The following SNX6 variants were observed in gnomAD, a reference collection of about 807,000 sequenced individuals.
SNX6 encodes sorting nexin-6.
Under a neutral mutation model 63.0 loss-of-function variants are expected in SNX6, and 34 were observed. The ratio of observed to expected loss-of-function variants is 0.54; its 90% CI spans 0.41 to 0.72. SNX6 has a LOEUF of 0.72. Ranked by LOEUF, SNX6 falls within the 30% of genes least tolerant of loss-of-function variation. The pLI, the probability that SNX6 is intolerant of heterozygous loss-of-function variation, is 0.00. For missense variants in SNX6, 398 were observed against 471.4 expected (o/e 0.84, Z 1.44); for synonymous variants, 170 against 164.2 (o/e 1.04, Z -0.27).
Position 34,564,927 on chromosome 14 carries a change from T to G in SNX6, c.1168-1752A>C, listed in dbSNP as rs1197558077. Among the ~76,000 whole-genome samples, 3 of 151,970 alleles carry G rather than the reference T, an allele frequency of 2.0e-5. No individual in the cohort carries two copies. The East Asian group carries it at 5.8e-4, about 29-fold the overall frequency. On this transcript the variant is annotated intron_variant, in intron 13 of 13. Transcript: ENST00000362031. ...TTTGTGTAAAAGGCTAAATAATAAGTATTTTAGGCTGTTTCAACAACTCCA... is the reference window on the plus strand; with the variant it reads ...TTTGTGTAAAAGGCTAAATAATAAGGATTTTAGGCTGTTTCAACAACTCCA...
intron 7 of SNX6, among the ~76,000 whole-genome samples, chr14:34,594,308 CTTTT>C (rs34181149): frequency 2.1e-5 from 3 of 146,054 alleles, no homozygotes; most frequent in Non-Finnish European, 1.5e-5. Context: ...TGTCTTCAAC[CTTTT>C]TTTTTTTTTT....
At chr14:34,576,407 T>G (rs1881703372) in intron 10 of SNX6, among the ~76,000 whole-genome samples, 1 of 150,448 alleles carries the variant, frequency 6.6e-6, no homozygotes, top group Non-Finnish European at 1.5e-5. Flanking sequence ...AAAGATCAAA[T>G]GAGACTCGTG....
At chr14:34,603,252 C>G in intron 6 of SNX6, 96 bp downstream of exon 6, 1 of 1,251,092 alleles carries the variant, frequency 8.0e-7, no homozygotes, top group South Asian at 1.7e-5. Flanking sequence ...TGCCACTGTA[C>G]TCCAGCCTGG....
rs932611561 is a variant in SNX6, at chr14:34,629,670, C to G, written c.54+237G>C. 11 of 720,158 alleles carry G rather than the reference C, an allele frequency of 1.5e-5. No individual in the cohort carries two copies. In the Admixed American group the frequency reaches 2.1e-4, roughly 13 times the overall value. 44.6% of individuals were successfully genotyped at this position (720,158 alleles called of 1,614,324 possible). ...GTGGGAGTGGAGGTCCACCAGAAGG[C>G]CCGAACAGCGGCGGGGGACAAGAAA... is the stretch of plus-strand genomic sequence containing the variant. On this transcript the variant is annotated intron_variant, in intron 2 of 13. Transcript: ENST00000362031.
At chr14:34,566,471 C>T (rs1197493797) in intron 13 of SNX6, among the ~76,000 whole-genome samples, 1 of 152,174 alleles carries the variant, frequency 6.6e-6, no homozygotes, top group African/African-American at 2.4e-5. Flanking sequence ...GTCTTGGCCT[C>T]CCAAAGTGTT....
intron 2 of SNX6, among the ~76,000 whole-genome samples, chr14:34,625,752 A>AT: frequency 6.6e-6 from 1 of 152,236 alleles, no homozygotes; most frequent in Non-Finnish European, 1.5e-5. Flanking sequence ...TTAAAAAAAA[A>AT]ATGCAGTTAT....
chr14:34,587,023 AAAAAAAAAAAC>A (rs1001604813), intron 8 of SNX6, among the ~76,000 whole-genome samples: 3 of 149,848 alleles, frequency 2.0e-5, no homozygotes, highest in African/African-American at 5.0e-5. Flanking sequence ...AAAAAAAAAA[AAAAAAAAAAAC>A]AACTGGAAAA....
At chr14:34,570,874 C>A (rs1332939376) in intron 11 of SNX6, among the ~76,000 whole-genome samples, 1 of 151,488 alleles carries the variant, frequency 6.6e-6, no homozygotes, top group South Asian at 2.1e-4. Flanking sequence ...CAGGCGCCCA[C>A]CACCACGCCC....
chr14:34,583,908 C>T (rs1352671077), intron 9 of SNX6, among the ~76,000 whole-genome samples: 1 of 147,160 alleles, frequency 6.8e-6, no homozygotes, highest in East Asian at 2.1e-4. Context: ...AGTACAATGG[C>T]GCAATCTCGG....
At chr14:34,578,628 C>CA (rs146062484) in intron 10 of SNX6, among the ~76,000 whole-genome samples, 104,181 of 128,856 alleles carry the variant, frequency 0.81, 42,080 homozygotes, top group Non-Finnish European at 0.85. Flanking sequence ...AGATCTGTCT[C>CA]AAAAAGAAAA....
chr14:34,570,718 G>T (rs1311036135), intron 11 of SNX6, among the ~76,000 whole-genome samples: 1 of 116,360 alleles, frequency 8.6e-6, no homozygotes, highest in African/African-American at 2.7e-5. Flanking sequence ...ACCGCACCTG[G>T]CCTTCTCTTT....
chr14:34,625,001 C>T (rs938015184), intron 2 of SNX6, among the ~76,000 whole-genome samples: 5 of 151,936 alleles, frequency 3.3e-5, no homozygotes, highest in African/African-American at 1.2e-4. Flanking sequence ...CTGCAACCTC[C>T]GCCTCCTGGG....
chr14:34,576,507 GGC>G (rs898095684), intron 10 of SNX6, among the ~76,000 whole-genome samples: 1 of 150,816 alleles, frequency 6.6e-6, no homozygotes, highest in African/African-American at 2.4e-5. Context: ...GGAATGCAGT[GGC>G]GCAATCTCGG....
At chr14:34,567,275 ACG>A (rs1881228518) in intron 13 of SNX6, among the ~76,000 whole-genome samples, 1 of 151,552 alleles carries the variant, frequency 6.6e-6, no homozygotes, top group African/African-American at 2.4e-5. Context: ...TCATTTGAGG[ACG>A]GGATTTCGAG....
At chr14:34,590,606 C>T (rs1418493723) in intron 8 of SNX6, among the ~76,000 whole-genome samples, 1 of 151,998 alleles carries the variant, frequency 6.6e-6, no homozygotes, top group African/African-American at 2.4e-5. Flanking sequence ...GACTGACTAT[C>T]CTTGTTGGCA....
intron 2 of SNX6, 83 bp from the exon 3 acceptor site, chr14:34,609,825 AC>A: frequency 1.2e-6 from 1 of 847,454 alleles, no homozygotes; most frequent in South Asian, 1.6e-5. Flanking sequence ...CAAAAACAAA[AC>A]AAAAATAACA....
At chr14:34,613,495 T>C (rs1027166436) in intron 2 of SNX6, among the ~76,000 whole-genome samples, 11 of 152,118 alleles carry the variant, frequency 7.2e-5, no homozygotes, top group African/African-American at 1.9e-4. Context: ...GGTTGCTTGT[T>C]AAAAATACAG....
intron 6 of SNX6, among the ~76,000 whole-genome samples, chr14:34,603,080 A>G (rs550355237): frequency 6.6e-6 from 1 of 151,588 alleles, no homozygotes; most frequent in Admixed American, 6.6e-5. Context: ...GATCGAGACC[A>G]TTCTGGCTAA....
At chr14:34,606,772 C>T (rs1455803134) in intron 4 of SNX6, among the ~76,000 whole-genome samples, 1 of 151,214 alleles carries the variant, frequency 6.6e-6, no homozygotes, top group African/African-American at 2.4e-5. Context: ...ATCTGTCCAA[C>T]TATGGTTTTT....
Sources: gnomAD v4.1 joint callset for allele counts (sites outside exome capture counted in the v4.1 genomes callset) on GRCh38, gnomAD v4.1.1 for gene constraint, MANE v1.5 for transcripts, NCBI Gene and HGNC (gene_info 2026-07-23, HGNC 2026-07-21) for gene names.